The following SMYD3 variants were observed in gnomAD, a reference collection of about 807,000 sequenced individuals.
SMYD3 encodes SET and MYND domain containing 3, also known as histone-lysine N-methyltransferase SMYD3.
In SMYD3, 36 loss-of-function variants were observed where a neutral mutation model predicts 57.7. The observed-to-expected ratio is 0.62, with a 90% CI of 0.48 to 0.82. The LOEUF is 0.82. Ranked by LOEUF, SMYD3 falls within the 40% of genes least tolerant of loss-of-function variation. The pLI is 0.00. For synonymous variants in SMYD3, 211 were observed against 195.0 expected, an observed-to-expected ratio of 1.08 and a Z score of -0.68; for missense variants, 515 against 538.8, an observed-to-expected ratio of 0.96 and a Z score of 0.44.
At chr1:245,833,325 ATGTTC>A (rs1461942210) in intron 10 of SMYD3, among the ~76,000 whole-genome samples, 2 of 152,104 alleles carry the variant, frequency 1.3e-5, no homozygotes, top group African/African-American at 4.8e-5. Flanking sequence ...CGTCTCTTTT[ATGTTC>A]TGTTCTGACA....
At chr1:246,263,214 T>C (rs1348279396) in intron 5 of SMYD3, among the ~76,000 whole-genome samples, 1 of 152,202 alleles carries the variant, frequency 6.6e-6, no homozygotes, top group Non-Finnish European at 1.5e-5. Flanking sequence ...TGCCATTTAC[T>C]AGCTACCTTA....
At chr1:245,865,130 C>G (rs1008952463) in intron 8 of SMYD3, among the ~76,000 whole-genome samples, 1 of 152,164 alleles carries the variant, frequency 6.6e-6, no homozygotes, top group African/African-American at 2.4e-5. Flanking sequence ...GAAGGCTTTA[C>G]TGATATTTAC....
chr1:245,841,614 C>T (rs1331395684), intron 10 of SMYD3, among the ~76,000 whole-genome samples: 1 of 151,982 alleles, frequency 6.6e-6, no homozygotes, highest in Non-Finnish European at 1.5e-5. Flanking sequence ...GGTGAAAGAA[C>T]ATTAAAAATT....
chr1:246,142,621 C>T (rs1343826593), intron 5 of SMYD3, among the ~76,000 whole-genome samples: 1 of 152,092 alleles, frequency 6.6e-6, no homozygotes, highest in East Asian at 1.9e-4. Context: ...CCGGGGGATA[C>T]GGGATTCCAT....
chr1:245,920,890 A>AT (rs1462346608), intron 7 of SMYD3, among the ~76,000 whole-genome samples: 1 of 152,236 alleles, frequency 6.6e-6, no homozygotes, highest in African/African-American at 2.4e-5. Flanking sequence ...CGGAAAGAAC[A>AT]TATGACTAAG....
intron 10 of SMYD3, among the ~76,000 whole-genome samples, chr1:245,840,122 CAG>C (rs1303714561): frequency 1.3e-5 from 2 of 151,794 alleles, no homozygotes; most frequent in African/African-American, 4.8e-5. Flanking sequence ...AACAGAAAAA[CAG>C]AGGAAATAAA....
At chr1:246,297,702 G>A (rs563081838) in intron 5 of SMYD3, among the ~76,000 whole-genome samples, 5 of 152,060 alleles carry the variant, frequency 3.3e-5, no homozygotes, top group Non-Finnish European at 5.9e-5. Context: ...CAATTATTCT[G>A]ATGTATAAAT....
intron 10 of SMYD3, among the ~76,000 whole-genome samples, chr1:245,797,512 A>G (rs1283003603): frequency 2.0e-5 from 2 of 102,388 alleles, no homozygotes; most frequent in South Asian, 7.4e-4. Flanking sequence ...AACATCACAC[A>G]CTGGGGCCTG....
intron 10 of SMYD3, among the ~76,000 whole-genome samples, chr1:245,769,067 G>C (rs1180445544): frequency 1.3e-5 from 2 of 152,160 alleles, no homozygotes; most frequent in African/African-American, 2.4e-5. Context: ...AATAGCTCCA[G>C]TTGTATGAAT....
At chr1:245,968,686 C>A (rs898360308) in intron 5 of SMYD3, among the ~76,000 whole-genome samples, 4 of 152,202 alleles carry the variant, frequency 2.6e-5, no homozygotes, top group African/African-American at 9.7e-5. Flanking sequence ...TCTTCTGGAA[C>A]TGAGTTTTCT....
chr1:246,097,663 G>A (rs1225357072), intron 5 of SMYD3, among the ~76,000 whole-genome samples: 1 of 151,652 alleles, frequency 6.6e-6, no homozygotes, highest in Non-Finnish European at 1.5e-5. Context: ...CACCGAGAGG[G>A]CTGTACCACT....
chr1:246,278,916 G>A (rs1259612323), intron 5 of SMYD3, among the ~76,000 whole-genome samples: 1 of 152,142 alleles, frequency 6.6e-6, no homozygotes, highest in Non-Finnish European at 1.5e-5. Context: ...GAACACAAGC[G>A]CTAGGCAGAG....
At chr1:246,219,062 G>C (rs772154441) in intron 5 of SMYD3, among the ~76,000 whole-genome samples, 1 of 152,154 alleles carries the variant, frequency 6.6e-6, no homozygotes, top group Non-Finnish European at 1.5e-5. Context: ...TAAAACTCCT[G>C]ATTTTCCCCT....
At chr1:245,794,884 G>T (rs1052553343) in intron 10 of SMYD3, among the ~76,000 whole-genome samples, 1 of 151,946 alleles carries the variant, frequency 6.6e-6, no homozygotes, top group Non-Finnish European at 1.5e-5. Context: ...AATCCCAGTG[G>T]ATATTATCCA....
At chr1:246,125,077 A>C (rs868368599) in intron 5 of SMYD3, among the ~76,000 whole-genome samples, 27 of 104,318 alleles carry the variant, frequency 2.6e-4, no homozygotes, top group South Asian at 7.9e-4. Context: ...GTCTCAAAAA[A>C]AAAAAAAAAA....
chr1:246,271,701 C>A (rs993888222), intron 5 of SMYD3, among the ~76,000 whole-genome samples: 4 of 152,176 alleles, frequency 2.6e-5, no homozygotes, highest in African/African-American at 9.7e-5. Context: ...GTCACAGTAG[C>A]TTCTTAGCAA....
At chr1:246,379,998 ACT>A (rs2066361765) in intron 1 of SMYD3, among the ~76,000 whole-genome samples, 1 of 148,774 alleles carries the variant, frequency 6.7e-6, no homozygotes, top group Non-Finnish European at 1.5e-5. Flanking sequence ...TCAGAGCAAC[ACT>A]CTGTCTCAAA....
chr1:245,863,287 T>C (rs1388428045), intron 9 of SMYD3, among the ~76,000 whole-genome samples: 1 of 152,168 alleles, frequency 6.6e-6, no homozygotes, highest in Non-Finnish European at 1.5e-5. Flanking sequence ...TCATCCTACA[T>C]GGTCTCTCCT....
chr1:245,751,542 A>G (rs11586539), intron 11 of SMYD3, among the ~76,000 whole-genome samples: 36,082 of 129,278 alleles, frequency 0.28, 4,710 homozygotes, highest in East Asian at 0.51. Flanking sequence ...AAGAGAGAGA[A>G]AGAGAGAGAG....
Sources: gnomAD v4.1 joint callset for allele counts (sites outside exome capture counted in the v4.1 genomes callset) on GRCh38, gnomAD v4.1.1 for gene constraint, MANE v1.5 for transcripts, NCBI Gene and HGNC (gene_info 2026-07-23, HGNC 2026-07-21) for gene names.